EPB41L4A: variants seen among roughly 807,000 people sequenced by gnomAD.
The protein encoded by EPB41L4A is erythrocyte membrane protein band 4.1 like 4A, also known as band 4.1-like protein 4A.
In EPB41L4A, 100 loss-of-function variants were observed where a neutral mutation model predicts 108.6. The observed-to-expected ratio is 0.92, with a 90% CI of 0.78 to 1.09. The LOEUF is 1.09. Among genes scored for constraint, EPB41L4A ranks in the 50% least tolerant of loss-of-function variants. EPB41L4A has a pLI of 0.00. For synonymous variants in EPB41L4A, 319 were observed against 289.0 expected, an observed-to-expected ratio of 1.10 and a Z score of -1.05; for missense variants, 1,030 against 842.7, an observed-to-expected ratio of 1.22 and a Z score of -2.75.
At chr5:112,346,728 T>A (rs1757701988) in intron 1 of EPB41L4A, among the ~76,000 whole-genome samples, 1 of 152,234 alleles carries the variant, frequency 6.6e-6, no homozygotes, top group South Asian at 2.1e-4. Flanking sequence ...CTTTGTAATG[T>A]TGTTTTATAG....
At chr5:112,231,062 TAA>T (rs556613766) in intron 12 of EPB41L4A, among the ~76,000 whole-genome samples, 30 of 152,364 alleles carry the variant, frequency 2.0e-4, no homozygotes, top group Admixed American at 1.2e-3. Flanking sequence ...TTAAAATATA[TAA>T]ATAGTCATGA....
At chr5:112,154,950 ATG>A (rs1375291372) in intron 12 of EPB41L4A, among the ~76,000 whole-genome samples, 1 of 152,210 alleles carries the variant, frequency 6.6e-6, no homozygotes, top group African/African-American at 2.4e-5. Context: ...AAATTTAAAA[ATG>A]TGCAGGAAAT....
At chr5:112,393,683 C>T (rs533772) in intron 1 of EPB41L4A, among the ~76,000 whole-genome samples, 1 of 152,176 alleles carries the variant, frequency 6.6e-6, no homozygotes, top group Non-Finnish European at 1.5e-5. Flanking sequence ...TGGTACCATT[C>T]CTTCTGAAAC....
rs755109387 is a variant in EPB41L4A at position 112,262,573 on chromosome 5, A to G, written c.563T>C (p.Ile188Thr). 9 of 1,614,072 alleles carry G rather than the reference A, an allele frequency of 5.6e-6. No individual in the cohort carries two copies. Among genetic ancestry groups the G allele is most frequent in the Non-Finnish European group, 7.6e-6 (9 of 1,179,922 alleles). The part of the protein sequence containing the change: ...ERIHKTLMGQ[I>T]PSEAELNYLR... ...GTAATTCAGCTCAGCCTCAGAAGGA[A>G]TCTGACCCCTACACCCAGCACAAAA... Residue 188 changes from isoleucine (I) to threonine (T), a missense_variant, in exon 7 of 23, where the codon ATT (isoleucine) becomes ACT (threonine). Transcript: ENST00000261486.
intron 12 of EPB41L4A, among the ~76,000 whole-genome samples, chr5:112,210,888 A>C (rs1194791434): frequency 1.3e-5 from 2 of 151,834 alleles, no homozygotes; most frequent in African/African-American, 4.8e-5. Flanking sequence ...CCTCGGAGCT[A>C]CTCCTGCAGG....
At chr5:112,161,055 G>A (rs143419014), downstream of EPB41L4A, 1,016 of 160,588 alleles carry the variant, frequency 6.3e-3, 15 homozygotes, top group African/African-American at 0.023. Flanking sequence ...CAGCGGCCTG[G>A]CCTCAGGCCT....
In EPB41L4A at chr5:112,358,520, C is replaced by A. The variant is rs371793263; in HGVS notation, c.100-51030G>T. The stretch of plus-strand genomic sequence containing the variant: ...TTGCAATCACAGAAAAAGGATCACC[C>A]ATCAGGACAGCAAAAGTTTAACAGC... On this transcript the variant is annotated intron_variant, in intron 1 of 22. Transcript: ENST00000261486. Among the ~76,000 whole-genome samples, 36 of 152,250 alleles carry A rather than the reference C, an allele frequency of 2.4e-4. No individual in the cohort carries two copies. The East Asian group carries it at 4.1e-3, about 17-fold the overall frequency.
At chr5:112,227,376 C>T (rs1748536737) in intron 12 of EPB41L4A, among the ~76,000 whole-genome samples, 1 of 152,146 alleles carries the variant, frequency 6.6e-6, no homozygotes, top group Non-Finnish European at 1.5e-5. Flanking sequence ...CAGTGGTCCA[C>T]ACTGTGAATA....
intron 1 of EPB41L4A, among the ~76,000 whole-genome samples, chr5:112,321,952 T>C (rs2150627204): frequency 6.6e-6 from 1 of 152,302 alleles, no homozygotes; most frequent in Middle Eastern, 3.4e-3. Flanking sequence ...AATTCTAAGT[T>C]TAAAAGATAA....
downstream of EPB41L4A, among the ~76,000 whole-genome samples, chr5:112,159,049 T>C (rs1759752578): frequency 6.6e-6 from 1 of 152,244 alleles, no homozygotes; most frequent in Admixed American, 6.5e-5. Context: ...CTGGAGTTAC[T>C]TACCTTCTTG....
chr5:112,397,189 T>C (rs1254300575), intron 1 of EPB41L4A, among the ~76,000 whole-genome samples: 3 of 152,188 alleles, frequency 2.0e-5, no homozygotes, highest in Non-Finnish European at 4.4e-5. Flanking sequence ...AAATGAAGTA[T>C]TTGGTTTTCT....
intron 2 of EPB41L4A, among the ~76,000 whole-genome samples, chr5:112,290,961 A>G (rs1483823685): frequency 1.3e-5 from 2 of 152,154 alleles, no homozygotes; most frequent in African/African-American, 4.8e-5. Context: ...CTGCAATTAC[A>G]GTCTGTTTCT....
At chr5:112,314,149 C>T (rs1184975697) in intron 1 of EPB41L4A, among the ~76,000 whole-genome samples, 2 of 151,842 alleles carry the variant, frequency 1.3e-5, no homozygotes, top group Non-Finnish European at 2.9e-5. Context: ...TGAGCCACCG[C>T]ACCTGGCCAC....
intron 12 of EPB41L4A, among the ~76,000 whole-genome samples, chr5:112,154,712 T>G (rs979462562): frequency 6.6e-6 from 1 of 152,124 alleles, no homozygotes; most frequent in African/African-American, 2.4e-5. Flanking sequence ...AAAATATAAC[T>G]TAATTAACAA....
At chr5:112,314,005 A>C (rs1442946134) in intron 1 of EPB41L4A, among the ~76,000 whole-genome samples, 1 of 151,712 alleles carries the variant, frequency 6.6e-6, no homozygotes, top group Non-Finnish European at 1.5e-5. Flanking sequence ...CTGGGACTAC[A>C]GGTGCCCACC....
chr5:112,208,163 T>C (rs139301010), intron 13 of EPB41L4A, among the ~76,000 whole-genome samples: 4,874 of 145,968 alleles, frequency 0.033, 302 homozygotes, highest in African/African-American at 0.11. Context: ...GGAGAATCGC[T>C]TGAACCCAGG....
chr5:112,316,909 T>C (rs1755463059), intron 1 of EPB41L4A, among the ~76,000 whole-genome samples: 1 of 152,254 alleles, frequency 6.6e-6, no homozygotes, highest in South Asian at 2.1e-4. Context: ...ACTCACCCTC[T>C]AAGCAAGGTA....
Position 112,184,009 on chromosome 5 carries a change from C to T in EPB41L4A, c.1622+7G>A. On this transcript the variant is annotated splice_region_variant and intron_variant, in intron 18 of 22. Coordinates refer to ENST00000261486, the MANE Select transcript of EPB41L4A (RefSeq NM_022140.5). ...TTTGAATCAAGGTATAAAAAGAGTC[C>T]ACATACGAACGAGATCTGTGTCTGG... The T allele has an allele frequency of 6.2e-7, 1 of 1,613,752 alleles. No individual in the cohort carries two copies. Among genetic ancestry groups the T allele is most frequent in the Non-Finnish European group, 8.5e-7 (1 of 1,179,860 alleles).
chr5:112,367,624 C>T (rs1017697994), intron 1 of EPB41L4A, among the ~76,000 whole-genome samples: 4 of 152,192 alleles, frequency 2.6e-5, no homozygotes, highest in Non-Finnish European at 5.9e-5. Flanking sequence ...CCTCCCAAAC[C>T]AACACCATCC....
Sources: allele counts gnomAD v4.1 joint callset (sites outside exome capture counted in the v4.1 genomes callset), GRCh38; gene constraint gnomAD v4.1.1; transcripts MANE v1.5; gene names NCBI Gene and HGNC (gene_info 2026-07-23, HGNC 2026-07-21).